The following ITGA1 variants were observed in gnomAD, a reference collection of about 807,000 sequenced individuals.
ITGA1 encodes integrin alpha-1.
A neutral mutation model predicts 145.9 loss-of-function variants in ITGA1; 85 were observed. That is an observed-to-expected ratio of 0.58 (90% CI 0.49 to 0.70). The LOEUF is 0.70. Ranked by LOEUF, ITGA1 falls within the 30% of genes least tolerant of loss-of-function variation. The probability of loss-of-function intolerance (pLI) is 0.00; values close to 1 mark genes in which losing one functional copy is unlikely to be tolerated. For missense variants in ITGA1, 1,351 were observed against 1,418.7 expected, an observed-to-expected ratio of 0.95 and a Z score of 0.77; for synonymous variants, 520 against 495.3, an observed-to-expected ratio of 1.05 and a Z score of -0.66.
intron 1 of ITGA1, among the ~76,000 whole-genome samples, chr5:52,838,339 T>C (rs534512048): frequency 6.6e-6 from 1 of 152,302 alleles, no homozygotes; most frequent in South Asian, 2.1e-4. Context: ...GAATATGGAA[T>C]TGCTAGTTAA....
At chr5:52,890,996 G>A (rs1362875028) in intron 8 of ITGA1, among the ~76,000 whole-genome samples, 1 of 152,038 alleles carries the variant, frequency 6.6e-6, no homozygotes, top group Non-Finnish European at 1.5e-5. Context: ...TTCAGTGCTT[G>A]GCTTATTTCA....
chr5:52,820,522 T>TAAAAAA lies in ITGA1; in HGVS notation c.62-28836_62-28831dup, dbSNP rs55942732. 2.1e-3 allele frequency among the ~76,000 whole-genome samples: 305 copies of TAAAAAA among 146,530 alleles called. 2 individuals are homozygous for TAAAAAA. Among genetic ancestry groups the TAAAAAA allele is most frequent in the African/African-American group, 7.5e-3 (300 of 39,816 alleles). ...ATGTACCCTAAAACTTAAAGTATAA[T>TAAAAAA]AAAAAAAAAAAAGAAAAAGAAAATG... On this transcript the variant is annotated intron_variant, in intron 1 of 28. Coordinates refer to ENST00000282588, the MANE Select transcript of ITGA1 (RefSeq NM_181501.2).
At chr5:52,908,116 T>C (rs1210889783) in intron 12 of ITGA1, among the ~76,000 whole-genome samples, 1 of 151,864 alleles carries the variant, frequency 6.6e-6, no homozygotes. Flanking sequence ...AAAATGAGAG[T>C]TGGGGAAGAA....
At chr5:52,886,838 G>C (rs762432925) in intron 7 of ITGA1, among the ~76,000 whole-genome samples, 1 of 152,148 alleles carries the variant, frequency 6.6e-6, no homozygotes, top group Non-Finnish European at 1.5e-5. Context: ...GAATGCAGTG[G>C]CGCGATCTTG....
At chr5:52,800,639 G>C (rs1286068879) in intron 1 of ITGA1, 1 of 1,614,092 alleles carries the variant, frequency 6.2e-7, no homozygotes, top group Non-Finnish European at 8.5e-7. Context: ...TGCCAGCTGC[G>C]GGTTAAGGGG....
chr5:52,822,810 G>A (rs1428363659), intron 1 of ITGA1, among the ~76,000 whole-genome samples: 1 of 152,222 alleles, frequency 6.6e-6, no homozygotes, highest in Non-Finnish European at 1.5e-5. Context: ...TTCATAGTGT[G>A]AGATAGTGGA....
chr5:52,851,645 G>T (rs1464946754), intron 2 of ITGA1, among the ~76,000 whole-genome samples: 1 of 151,590 alleles, frequency 6.6e-6, no homozygotes, highest in African/African-American at 2.4e-5. Context: ...GTTGCTAATG[G>T]TCTGTCTGAA....
At chr5:52,942,135 G>A (rs550481082) in intron 26 of ITGA1, among the ~76,000 whole-genome samples, 2 of 152,250 alleles carry the variant, frequency 1.3e-5, no homozygotes, top group East Asian at 3.9e-4. Context: ...ACTGGTCCAT[G>A]TGGCTCTTCT....
chr5:52,817,094 A>G (rs1748788288), intron 1 of ITGA1, among the ~76,000 whole-genome samples: 2 of 152,252 alleles, frequency 1.3e-5, no homozygotes, highest in African/African-American at 4.8e-5. Flanking sequence ...GCTATCCACT[A>G]AGAAATCATA....
chr5:52,945,668 C>T (rs1751124508), intron 27 of ITGA1, among the ~76,000 whole-genome samples: 1 of 152,130 alleles, frequency 6.6e-6, no homozygotes, highest in East Asian at 1.9e-4. Flanking sequence ...CACATGCAGG[C>T]ACTTCAGCAT....
chr5:52,795,513 T>G (rs181550400), intron 1 of ITGA1, among the ~76,000 whole-genome samples: 2 of 152,000 alleles, frequency 1.3e-5, no homozygotes, highest in African/African-American at 2.4e-5. Context: ...TATATTATTA[T>G]AATAGGAAAG....
intron 1 of ITGA1, among the ~76,000 whole-genome samples, chr5:52,812,401 G>A (rs1165847204): frequency 1.3e-5 from 2 of 152,170 alleles, no homozygotes; most frequent in Non-Finnish European, 2.9e-5. Flanking sequence ...CAAGGATTGT[G>A]TAAAACAAGA....
chr5:52,822,988 G>A (rs1023629539), intron 1 of ITGA1, among the ~76,000 whole-genome samples: 3 of 152,110 alleles, frequency 2.0e-5, no homozygotes, highest in South Asian at 2.1e-4. Context: ...TCCAGCTATA[G>A]CCTTCTGAGA....
intron 1 of ITGA1, among the ~76,000 whole-genome samples, chr5:52,847,519 A>G (rs1749355863): frequency 3.3e-5 from 5 of 151,902 alleles, no homozygotes; most frequent in Admixed American, 3.3e-4. Flanking sequence ...CTGTAATTTT[A>G]TAAGACAGTG....
At chr5:52,869,482 T>A (rs1291681765) in intron 6 of ITGA1, among the ~76,000 whole-genome samples, 1 of 152,132 alleles carries the variant, frequency 6.6e-6, no homozygotes, top group Non-Finnish European at 1.5e-5. Flanking sequence ...TTAAACAGAT[T>A]AAAGTTTGAG....
chr5:52,890,692 T>C (rs75353343), intron 8 of ITGA1, among the ~76,000 whole-genome samples: 2,086 of 152,336 alleles, frequency 0.014, 51 homozygotes, highest in African/African-American at 0.048. Context: ...AATTGGAATA[T>C]CCATCACCTC....
chr5:52,827,116 T>C (rs1456917342), intron 1 of ITGA1, among the ~76,000 whole-genome samples: 1 of 147,150 alleles, frequency 6.8e-6, no homozygotes, highest in Admixed American at 6.9e-5. Context: ...TTTTGGTTTA[T>C]GGGAGGAGGT....
chr5:52,854,913 G>A (rs913805239), intron 2 of ITGA1, among the ~76,000 whole-genome samples: 5 of 152,128 alleles, frequency 3.3e-5, no homozygotes, highest in Non-Finnish European at 7.4e-5. Context: ...ACGATATCCA[G>A]AACATGTTTT....
In ITGA1 at chr5:52,909,772, T is replaced by G. The variant is rs1170942578; in HGVS notation, c.1600-390T>G. 2.4e-4 allele frequency among the ~76,000 whole-genome samples: 36 copies of G among 151,690 alleles called. No homozygotes were observed. The East Asian group carries it at 3.3e-3, about 14-fold the overall frequency. On this transcript the variant is annotated intron_variant, in intron 13 of 28. Coordinates refer to ENST00000282588, the MANE Select transcript of ITGA1 (RefSeq NM_181501.2). ...TTGCTAGTACTTTCTGTCTGGGTTTTTTTTTTTTTTCCTTCCACTCTAGGC... is the reference window on the plus strand; with the variant it reads ...TTGCTAGTACTTTCTGTCTGGGTTTGTTTTTTTTTTCCTTCCACTCTAGGC...
Sources: gnomAD v4.1 joint callset for allele counts (sites outside exome capture counted in the v4.1 genomes callset) on GRCh38, gnomAD v4.1.1 for gene constraint, MANE v1.5 for transcripts, NCBI Gene and HGNC (gene_info 2026-07-23, HGNC 2026-07-21) for gene names.